Variants in ADAMTS6 observed in about 807,000 individuals in gnomAD.
ADAMTS6 encodes the protein A disintegrin and metalloproteinase with thrombospondin motifs 6.
Under a neutral mutation model 144.3 loss-of-function variants are expected in ADAMTS6, and 23 were observed. The observed-to-expected ratio is 0.16, with a 90% confidence interval of 0.11 to 0.23. The LOEUF is 0.23. Among genes scored for constraint, ADAMTS6 ranks in the 10% least tolerant of loss-of-function variants. ADAMTS6 has a pLI of 1.00. For synonymous variants in ADAMTS6, 444 were observed against 457.5 expected (o/e 0.97, Z 0.38); for missense variants, 999 against 1,379.6 (o/e 0.72, Z 4.37).
intron 7 of ADAMTS6, among the ~76,000 whole-genome samples, chr5:65,389,921 C>CA (rs1318819534): frequency 6.6e-6 from 1 of 151,880 alleles, no homozygotes; most frequent in African/African-American, 2.4e-5. Context: ...TCATTAGAAA[C>CA]GTTTTTCTTT....
chr5:65,405,086 T>A (rs1463137566), intron 7 of ADAMTS6, among the ~76,000 whole-genome samples: 1 of 152,238 alleles, frequency 6.6e-6, no homozygotes, highest in South Asian at 2.1e-4. Context: ...TTTCTCCCAT[T>A]CTGTAGGCTG....
rs1753714361 is a variant in ADAMTS6 at position 65,172,785 on chromosome 5, G to A, written c.3087+47C>T. On this transcript the variant is annotated intron_variant, in intron 23 of 24. Coordinates refer to ENST00000381055, the MANE Select transcript of ADAMTS6 (RefSeq NM_197941.4). ...ATCACACAAGGAACCTCAGGTTTGTGTCTCAAGGTGCTATTTCAGCAGGAG... is the reference window on the plus strand; with the variant it reads ...ATCACACAAGGAACCTCAGGTTTGTATCTCAAGGTGCTATTTCAGCAGGAG... 3 of 1,586,208 alleles carry A rather than the reference G, an allele frequency of 1.9e-6. No homozygotes were observed. The East Asian group carries it at 6.7e-5, about 35-fold the overall frequency.
chr5:65,275,416 AAAAG>A lies in ADAMTS6; in HGVS notation c.1513-1973_1513-1970del, dbSNP rs1342033409. Among the ~76,000 whole-genome samples the A allele has an allele frequency of 3.0e-3, 412 of 136,956 alleles. 2 individuals are homozygous for A. Among genetic ancestry groups the A allele is most frequent in the Admixed American group, 0.013 (171 of 13,514 alleles). 89.8% of individuals were successfully genotyped at this position (136,956 alleles called of 152,430 possible). A position where few individuals can be genotyped will look rare whatever the true frequency, so the allele number is the denominator to read the frequency against. ...GAAAGAAAGAAAGAAAGAAAGAAAG[AAAAG>A]AAAGAAAGAAAGAAAAGAAAAAAGA... On this transcript the variant is annotated intron_variant, in intron 11 of 24. Coordinates refer to ENST00000381055, the MANE Select transcript of ADAMTS6 (RefSeq NM_197941.4).
intron 24 of ADAMTS6, among the ~76,000 whole-genome samples, chr5:65,162,198 T>C (rs1752818601): frequency 6.6e-6 from 1 of 152,252 alleles, no homozygotes; most frequent in African/African-American, 2.4e-5. Flanking sequence ...AAAGTTTATC[T>C]ATAATGATTA....
intron 7 of ADAMTS6, among the ~76,000 whole-genome samples, chr5:65,387,645 C>A (rs1245548655): frequency 1.3e-5 from 2 of 151,998 alleles, no homozygotes; most frequent in African/African-American, 4.8e-5. Context: ...GGTCACAGAG[C>A]GTGGTAAAGA....
At chr5:65,410,547 T>C (rs6890693) in intron 7 of ADAMTS6, among the ~76,000 whole-genome samples, 88,064 of 149,920 alleles carry the variant, frequency 0.59, 26,618 homozygotes, top group African/African-American at 0.78. Context: ...TCTACTCTCT[T>C]TTATACCATT....
intron 24 of ADAMTS6, among the ~76,000 whole-genome samples, chr5:65,164,337 G>A (rs1249130116): frequency 6.6e-6 from 1 of 152,164 alleles, no homozygotes; most frequent in African/African-American, 2.4e-5. Context: ...TTAAAAAACG[G>A]CGCACCAGGA....
At chr5:65,258,859 A>G (rs1760917154) in intron 14 of ADAMTS6, among the ~76,000 whole-genome samples, 1 of 152,228 alleles carries the variant, frequency 6.6e-6, no homozygotes, top group Admixed American at 6.5e-5. Flanking sequence ...ATGTCCATTA[A>G]AAGTCTATTT....
At chr5:65,192,634 TTTAATA>T (rs1755086902) in intron 21 of ADAMTS6, among the ~76,000 whole-genome samples, 1 of 141,572 alleles carries the variant, frequency 7.1e-6, no homozygotes, top group Non-Finnish European at 1.5e-5. Context: ...AATCATATCC[TTTAATA>T]TTAATTCCTT....
At chr5:65,245,742 C>T (rs1412923112) in intron 14 of ADAMTS6, among the ~76,000 whole-genome samples, 2 of 152,080 alleles carry the variant, frequency 1.3e-5, no homozygotes, top group Non-Finnish European at 2.9e-5. Flanking sequence ...ATATTTTAGG[C>T]TTTGCAGGCC....
chr5:65,379,751 C>T (rs1385342401), intron 7 of ADAMTS6, among the ~76,000 whole-genome samples: 1 of 151,984 alleles, frequency 6.6e-6, no homozygotes, highest in Non-Finnish European at 1.5e-5. Context: ...CCGCTTTCTC[C>T]TCTCACCCCT....
At chr5:65,448,508 A>G (rs1014012335) in intron 7 of ADAMTS6, among the ~76,000 whole-genome samples, 1 of 151,022 alleles carries the variant, frequency 6.6e-6, no homozygotes, top group Non-Finnish European at 1.5e-5. Flanking sequence ...GCTGGAGTGC[A>G]GTTGTGCGAT....
chr5:65,437,098 ATTTT>A (rs546838256), intron 7 of ADAMTS6, among the ~76,000 whole-genome samples: 1 of 141,430 alleles, frequency 7.1e-6, no homozygotes. Context: ...GGAAACTCCC[ATTTT>A]TTTTTTTTTT....
intron 9 of ADAMTS6, among the ~76,000 whole-genome samples, chr5:65,319,517 C>A (rs1354291606): frequency 1.3e-3 from 164 of 124,444 alleles, no homozygotes; most frequent in South Asian, 2.0e-3. Flanking sequence ...CCATATCTAC[C>A]AAAAAAAAAA....
chr5:65,291,047 T>G (rs981742389), intron 11 of ADAMTS6, among the ~76,000 whole-genome samples: 1 of 152,120 alleles, frequency 6.6e-6, no homozygotes, highest in East Asian at 1.9e-4. Context: ...CGAAATAAAG[T>G]TGGCATCATA....
At chr5:65,160,892 TCCAC>T (rs1360788593) in intron 24 of ADAMTS6, among the ~76,000 whole-genome samples, 1 of 151,808 alleles carries the variant, frequency 6.6e-6, no homozygotes, top group Non-Finnish European at 1.5e-5. Flanking sequence ...TCTCATGTGA[TCCAC>T]CCACCTCAGC....
intron 18 of ADAMTS6, among the ~76,000 whole-genome samples, chr5:65,219,086 C>T (rs1199796951): frequency 6.6e-6 from 1 of 151,850 alleles, no homozygotes; most frequent in African/African-American, 2.4e-5. Context: ...GGAAAAAAAA[C>T]ACACAGGACA....
chr5:65,382,420 C>T (rs1377616953), intron 7 of ADAMTS6, among the ~76,000 whole-genome samples: 2 of 152,264 alleles, frequency 1.3e-5, no homozygotes, highest in South Asian at 2.1e-4. Context: ...AGTTGAACTC[C>T]GAAAGTACTC....
intron 7 of ADAMTS6, among the ~76,000 whole-genome samples, chr5:65,338,670 G>A (rs986263724): frequency 6.6e-6 from 1 of 151,040 alleles, no homozygotes; most frequent in South Asian, 2.1e-4. Context: ...CTGTGTGCCT[G>A]AGCCCAGAGC....
Sources: allele counts gnomAD v4.1 joint callset (sites outside exome capture counted in the v4.1 genomes callset), GRCh38; gene constraint gnomAD v4.1.1; transcripts MANE v1.5; gene names NCBI Gene and HGNC (gene_info 2026-07-23, HGNC 2026-07-21).